Variants in DSCAML1 observed in about 807,000 individuals in gnomAD.
DSCAML1 encodes DS cell adhesion molecule like 1.
Under a neutral mutation model 200.5 loss-of-function variants are expected in DSCAML1, and 38 were observed. That is an observed-to-expected ratio of 0.19 (90% CI 0.15 to 0.25). The LOEUF (loss-of-function observed/expected upper bound fraction) is 0.25. DSCAML1 is among the 10% of genes least tolerant of loss of function. The probability of loss-of-function intolerance (pLI) is 1.00; values close to 1 mark genes in which losing one functional copy is unlikely to be tolerated. For missense variants in DSCAML1, 2,223 were observed against 2,858.8 expected (o/e 0.78, Z 5.07); for synonymous variants, 1,215 against 1,165.0 (o/e 1.04, Z -0.87).
At chr11:117,593,210 C>G (rs1169915717) in intron 3 of DSCAML1, among the ~76,000 whole-genome samples, 3 of 152,248 alleles carry the variant, frequency 2.0e-5, no homozygotes, top group African/African-American at 7.2e-5. Context: ...GCTTCAGGGT[C>G]ACAGACTCAC....
intron 3 of DSCAML1, among the ~76,000 whole-genome samples, chr11:117,634,793 G>T (rs937522778): frequency 6.6e-6 from 1 of 152,172 alleles, no homozygotes. Flanking sequence ...GTGGTGGGTC[G>T]CAGGTTGGAG....
chr11:117,511,328 T>C (rs185731258), intron 8 of DSCAML1, among the ~76,000 whole-genome samples: 1 of 152,262 alleles, frequency 6.6e-6, no homozygotes, highest in Non-Finnish European at 1.5e-5. Flanking sequence ...TTGTTTTGGC[T>C]CAAGAAGCCC....
chr11:117,454,039 G>A (rs2048331704), intron 19 of DSCAML1, among the ~76,000 whole-genome samples: 1 of 152,142 alleles, frequency 6.6e-6, no homozygotes, highest in East Asian at 1.9e-4. Flanking sequence ...AATAGAGTTT[G>A]TAGAGCTTCT....
At chr11:117,802,011 A>T (rs1001450207), upstream of DSCAML1, 1 of 152,312 alleles carries the variant, frequency 6.6e-6, no homozygotes, top group East Asian at 1.9e-4. Context: ...CTCTCTGGGG[A>T]GCAGTGGGGT....
chr11:117,619,459 A>G (rs1450107319), intron 3 of DSCAML1, among the ~76,000 whole-genome samples: 1 of 152,270 alleles, frequency 6.6e-6, no homozygotes. Context: ...TGGAGGGTCT[A>G]TACTTGGTAA....
At position 117,780,995 on chromosome 11, in the gene DSCAML1, G is replaced by T. The variant is rs2055247852; in HGVS notation, c.47-185C>A. Among the ~76,000 whole-genome samples the T allele has an allele frequency of 6.6e-6, 1 of 152,138 alleles. No homozygotes were observed. The highest frequency in any genetic ancestry group is 1.5e-5 in the Non-Finnish European group (1 of 68,026). ...CAAAGGTGAATCAGAGACAGTTCCT[G>T]ATCTATAGAAAACCACAGCCTTCGG... On this transcript the variant is annotated intron_variant, in intron 1 of 32. Transcript: ENST00000651296. The surrounding 1 kb of genome is among the most constrained non-coding windows in gnomAD (Gnocchi z 4.8).
chr11:117,635,230 T>G (rs4938421), intron 3 of DSCAML1, among the ~76,000 whole-genome samples: 13,145 of 152,194 alleles, frequency 0.086, 1,342 homozygotes, highest in African/African-American at 0.24. Context: ...TGCACAGAAG[T>G]GGGAGGAGGA....
chr11:117,544,187 C>G (rs1303003345), intron 3 of DSCAML1, among the ~76,000 whole-genome samples: 1 of 152,132 alleles, frequency 6.6e-6, no homozygotes. Flanking sequence ...CTTCAGGATG[C>G]CAGGGCCTCG....
rs1309664484 is a variant in DSCAML1 at position 117,516,317 on chromosome 11, C to T, written c.1783+150G>A. On this transcript the variant is annotated intron_variant, in intron 8 of 32. Transcript: ENST00000651296. This position sits in a 1 kb window ranked among gnomAD's most constrained non-coding sequence, Gnocchi z 5.7. ...CACCCACAGTCTTCTGCCCTGCTCC[C>T]TTTTTTCTGAATGCCAAGCTGGGGC... is the stretch of plus-strand genomic sequence containing the variant. 3 of 1,040,162 alleles carry T rather than the reference C, an allele frequency of 2.9e-6. No homozygotes were observed. Among genetic ancestry groups the T allele is most frequent in the Non-Finnish European group, 4.1e-6 (3 of 734,242 alleles). The allele number at this position is 1,040,162 out of a possible 1,614,324, so 64.4% of individuals were successfully genotyped here.
At chr11:117,601,831 G>A (rs2051471332) in intron 3 of DSCAML1, among the ~76,000 whole-genome samples, 1 of 152,220 alleles carries the variant, frequency 6.6e-6, no homozygotes, top group Non-Finnish European at 1.5e-5. Flanking sequence ...TTTTCCCCAG[G>A]GCTGGTTTTG....
intron 19 of DSCAML1, among the ~76,000 whole-genome samples, chr11:117,451,558 T>C (rs1218600911): frequency 2.0e-5 from 3 of 152,214 alleles, no homozygotes; most frequent in Non-Finnish European, 2.9e-5. Context: ...GTGCGGTGGC[T>C]CATGCCTGTA....
intron 3 of DSCAML1, among the ~76,000 whole-genome samples, chr11:117,737,567 C>T (rs1332793710): frequency 3.9e-5 from 6 of 152,164 alleles, no homozygotes; most frequent in Non-Finnish European, 8.8e-5. Flanking sequence ...CCCCAGGTGG[C>T]CATGTTCCTG....
At chr11:117,793,376 T>C (rs1364189737) in intron 1 of DSCAML1, among the ~76,000 whole-genome samples, 2 of 152,274 alleles carry the variant, frequency 1.3e-5, no homozygotes, top group South Asian at 2.1e-4. Flanking sequence ...GCTCGCAGCC[T>C]GGAACTCGTA....
Position 117,627,195 on chromosome 11 carries a change from G to A in DSCAML1, c.512-94673C>T, listed in dbSNP as rs1256129499. Among the ~76,000 whole-genome samples the A allele has an allele frequency of 2.6e-5, 4 of 152,084 alleles. No homozygotes were observed. In the East Asian group the frequency reaches 7.7e-4, roughly 29 times the overall value. On this transcript the variant is annotated intron_variant, in intron 3 of 32. Coordinates refer to ENST00000651296, the MANE Select transcript of DSCAML1 (RefSeq NM_020693.4). The stretch of plus-strand genomic sequence containing the variant: ...TTGCGGATGTGACCGTGCTTATCCC[G>A]TTGTCCTGCCCATCAGAACGGAGAT...
At chr11:117,764,941 A>AGAGC in intron 3 of DSCAML1, among the ~76,000 whole-genome samples, 1 of 152,146 alleles carries the variant, frequency 6.6e-6, no homozygotes, top group Non-Finnish European at 1.5e-5. Flanking sequence ...CCCAGACTCC[A>AGAGC]CCCACATGCA....
intron 3 of DSCAML1, among the ~76,000 whole-genome samples, chr11:117,629,865 T>TG (rs1204074424): frequency 6.6e-6 from 1 of 152,178 alleles, no homozygotes; most frequent in Admixed American, 6.5e-5. Flanking sequence ...CCGGGCATGG[T>TG]GGCATATGCC....
intron 3 of DSCAML1, among the ~76,000 whole-genome samples, chr11:117,763,778 G>T (rs1261105327): frequency 2.6e-5 from 4 of 151,970 alleles, no homozygotes; most frequent in African/African-American, 9.7e-5. Context: ...ATTGTTCTGG[G>T]GTCAGGGTTG....
At chr11:117,810,483 G>A (rs1343097929) in intron 1 of DSCAML1, among the ~76,000 whole-genome samples, 2 of 151,672 alleles carry the variant, frequency 1.3e-5, no homozygotes, top group Non-Finnish European at 2.9e-5. Flanking sequence ...TGCTTTTCTG[G>A]AGGGCAAGAA....
intron 1 of DSCAML1, among the ~76,000 whole-genome samples, chr11:117,796,188 A>T (rs1565290176): frequency 3.3e-5 from 5 of 152,164 alleles, no homozygotes; most frequent in Admixed American, 2.6e-4. Flanking sequence ...TCAGGTACGC[A>T]GCGCCCCAGC....
Sources: gnomAD v4.1 joint callset for allele counts (sites outside exome capture counted in the v4.1 genomes callset) on GRCh38, gnomAD v4.1.1 for gene constraint, Gnocchi (gnomAD v3.1) non-coding constraint, MANE v1.5 for transcripts, NCBI Gene and HGNC (gene_info 2026-07-23, HGNC 2026-07-21) for gene names.